IKBKB-DT: variants seen among roughly 807,000 people sequenced by gnomAD.
IKBKB-DT encodes the protein IKBKB antisense RNA.
At chr8:42,265,204 C>T (rs902364430) in intron 2 of IKBKB-DT, among the ~76,000 whole-genome samples, 3 of 152,178 alleles carry the variant, frequency 2.0e-5, no homozygotes, top group Non-Finnish European at 4.4e-5. Flanking sequence ...GTTATGTTTC[C>T]CACGCTGATT....
At chr8:42,248,163 T>C (rs1032558046) in intron 3 of IKBKB-DT, among the ~76,000 whole-genome samples, 7 of 152,032 alleles carry the variant, frequency 4.6e-5, no homozygotes, top group Non-Finnish European at 8.8e-5. Context: ...TCCCCAGCTA[T>C]GTGGAACTGT....
chr8:42,246,357 T>TA (rs201708388), intron 3 of IKBKB-DT, among the ~76,000 whole-genome samples: 6,380 of 151,860 alleles, frequency 0.042, 226 homozygotes, highest in Non-Finnish European at 0.056. Flanking sequence ...TAGTACTAAG[T>TA]AAAAAAAAAT....
chr8:42,258,736 G>A (rs1807241466), intron 3 of IKBKB-DT, among the ~76,000 whole-genome samples: 1 of 152,106 alleles, frequency 6.6e-6, no homozygotes, highest in Non-Finnish European at 1.5e-5. Flanking sequence ...CCAAAGTGCT[G>A]GAATTACAGA....
intron 3 of IKBKB-DT, among the ~76,000 whole-genome samples, chr8:42,245,781 C>A (rs1563275399): frequency 1.3e-5 from 2 of 152,170 alleles, no homozygotes; most frequent in Non-Finnish European, 2.9e-5. Context: ...AGAACTATTA[C>A]AATATTTATA....
intron 3 of IKBKB-DT, among the ~76,000 whole-genome samples, chr8:42,258,511 C>T (rs558948392): frequency 5.4e-4 from 82 of 151,412 alleles, no homozygotes; most frequent in Non-Finnish European, 8.6e-4. Flanking sequence ...GTCGCCCAGG[C>T]TGGATGGAGT....
At chr8:42,248,563 ATTGGGTGGGTATGCCTTTT>A (rs1288995890) in intron 3 of IKBKB-DT, among the ~76,000 whole-genome samples, 2 of 152,126 alleles carry the variant, frequency 1.3e-5, no homozygotes, top group African/African-American at 4.8e-5. Context: ...TTTGACTTTA[ATTGGGTGGGTATGCCTTTT>A]TTTAAGAGAC....
intron 3 of IKBKB-DT, among the ~76,000 whole-genome samples, chr8:42,237,208 T>C (rs60145382): frequency 0.036 from 5,486 of 152,048 alleles, 335 homozygotes; most frequent in African/African-American, 0.13. Flanking sequence ...TGCCTTAGCC[T>C]CCCGAGTAGC....
chr8:42,256,283 C>T (rs991044112), intron 3 of IKBKB-DT, among the ~76,000 whole-genome samples: 9 of 151,692 alleles, frequency 5.9e-5, no homozygotes, highest in Non-Finnish European at 8.8e-5. Flanking sequence ...AATCATCAGT[C>T]GGGCGTGGTG....
At chr8:42,251,292 C>T (rs954759620) in intron 3 of IKBKB-DT, among the ~76,000 whole-genome samples, 1 of 152,200 alleles carries the variant, frequency 6.6e-6, no homozygotes, top group South Asian at 2.1e-4. Flanking sequence ...GCATTTGGGT[C>T]GTCTCTACTG....
At chr8:42,236,518 C>T (rs748850885) in intron 3 of IKBKB-DT, among the ~76,000 whole-genome samples, 2 of 152,180 alleles carry the variant, frequency 1.3e-5, no homozygotes, top group Non-Finnish European at 2.9e-5. Flanking sequence ...GTAATCCTTG[C>T]ACTTTGGAAG....
intron 3 of IKBKB-DT, among the ~76,000 whole-genome samples, chr8:42,238,961 T>C (rs1806961993): frequency 1.3e-5 from 2 of 152,292 alleles, no homozygotes; most frequent in South Asian, 4.1e-4. Flanking sequence ...TTTGAATTAA[T>C]TAAACTCTTT....
chr8:42,254,977 G>A lies in IKBKB-DT; in HGVS notation n.1529+8352C>T, dbSNP rs533537263. Among the ~76,000 whole-genome samples the A allele has an allele frequency of 5.3e-5, 8 of 151,888 alleles. No individual in the cohort carries two copies. The Middle Eastern group carries it at 0.01, about 198-fold the overall frequency. On this transcript the variant is annotated intron_variant and non_coding_transcript_variant, in intron 3 of 3. Coordinates refer to ENST00000518213, the Ensembl canonical transcript of IKBKB-DT. Reference sequence around the variant, plus strand: ...TCTCTGCCCAGCTGCCCACTGTCTGGCAAATGAGGAGTGCCTCTGCCCGGC... The same window carrying A: ...TCTCTGCCCAGCTGCCCACTGTCTGACAAATGAGGAGTGCCTCTGCCCGGC...
exon 1 of IKBKB-DT, chr8:42,270,913 G>C (rs372048559): frequency 1.2e-5 from 2 of 168,532 alleles, no homozygotes; most frequent in Non-Finnish European, 2.6e-5. Flanking sequence ...AGACAGGGGA[G>C]CGCCCGCAGT....
chr8:42,264,163 A>T (rs1400659708), intron 2 of IKBKB-DT, among the ~76,000 whole-genome samples: 1 of 150,142 alleles, frequency 6.7e-6, no homozygotes, highest in African/African-American at 2.4e-5. Flanking sequence ...ATTTTATTTT[A>T]AAATTAATTT....
chr8:42,244,153 C>T (rs780091858), intron 3 of IKBKB-DT, among the ~76,000 whole-genome samples: 3 of 152,150 alleles, frequency 2.0e-5, no homozygotes, highest in Non-Finnish European at 2.9e-5. Context: ...GGAAGTTTTG[C>T]CATGCTTTGA....
At chr8:42,235,000 A>C (rs1806899988) in intron 3 of IKBKB-DT, among the ~76,000 whole-genome samples, 3 of 152,174 alleles carry the variant, frequency 2.0e-5, no homozygotes, top group African/African-American at 7.2e-5. Flanking sequence ...AAGGCCACCA[A>C]GTTAAGAGAA....
In IKBKB-DT at chr8:42,264,814, C is replaced by A. The variant is rs564765718; in HGVS notation, n.1385+801G>T. Among the ~76,000 whole-genome samples, 5 of 151,400 alleles carry A rather than the reference C, an allele frequency of 3.3e-5. No homozygotes were observed. The East Asian group carries it at 9.7e-4, about 29-fold the overall frequency. ...CCTCAGGTGATCCACCTGTCTCAGC[C>A]TCCCAAAGTGCTGGGATTACAGGTG... On this transcript the variant is annotated intron_variant and non_coding_transcript_variant, in intron 2 of 3. Coordinates refer to ENST00000518213, the Ensembl canonical transcript of IKBKB-DT.
intron 3 of IKBKB-DT, among the ~76,000 whole-genome samples, chr8:42,244,406 G>A (rs1807037985): frequency 6.6e-6 from 1 of 152,144 alleles, no homozygotes; most frequent in South Asian, 2.1e-4. Flanking sequence ...TGGTGGAGAT[G>A]GTTAACAGAC....
At chr8:42,252,960 C>T (rs568880736) in intron 3 of IKBKB-DT, among the ~76,000 whole-genome samples, 151 of 152,228 alleles carry the variant, frequency 9.9e-4, no homozygotes, top group African/African-American at 3.5e-3. Context: ...TTTGAAATGG[C>T]CCTGCAAAGC....
Sources: allele counts gnomAD v4.1 joint callset (sites outside exome capture counted in the v4.1 genomes callset), GRCh38; gene constraint gnomAD v4.1.1; transcripts MANE v1.5; gene names NCBI Gene and HGNC (gene_info 2026-07-23, HGNC 2026-07-21).